RYR3: variants seen among roughly 807,000 people sequenced by gnomAD.
RYR3 encodes brain ryanodine receptor-calcium release channel.
RYR3 carries 207 observed loss-of-function variants against 584.3 expected under a neutral mutation model. That is an observed-to-expected ratio of 0.35 (90% CI 0.32 to 0.40). RYR3 has a LOEUF of 0.40. Among genes scored for constraint, RYR3 ranks in the 10% least tolerant of loss-of-function variants. RYR3 has a pLI of 1.00. For missense variants in RYR3, 5,616 were observed against 6,089.2 expected, an observed-to-expected ratio of 0.92 and a Z score of 2.59; for synonymous variants, 2,416 against 2,248.5, an observed-to-expected ratio of 1.07 and a Z score of -2.11.
chr15:33,463,597 A>C (rs2048219586), intron 1 of RYR3, among the ~76,000 whole-genome samples: 1 of 148,670 alleles, frequency 6.7e-6, no homozygotes, highest in Non-Finnish European at 1.5e-5. Context: ...TCCATGTTAC[A>C]TAACAGCATG....
Position 33,540,880 on chromosome 15 carries a change from C to G in RYR3, c.636C>G (p.Ser212Arg). The G allele has an allele frequency of 6.2e-7, 1 of 1,608,036 alleles. No individual in the cohort carries two copies. Among genetic ancestry groups the G allele is most frequent in the South Asian group, 1.1e-5 (1 of 90,896 alleles). The change falls in exon 7 of 104, where the codon AGC (serine) becomes AGG (arginine). Residue 212 changes from serine to arginine, a missense_variant. By Grantham distance (110) the Ser-to-Arg change is moderately radical. Around this residue, in one of 9 missense-constraint regions of RYR3, gnomAD observed 1,284 missense variants for 1,344.6 expected, o/e 0.95. Coordinates refer to ENST00000634891, the MANE Select transcript of RYR3 (RefSeq NM_001036.6). ...WNVHPTCSGS[S>R]IEEGYLLGGH... ...TACATCCTACGTGCTCAGGAAGTAGCATCGAAGAAGGTGTGCTTCTTTAAA... is the reference window on the plus strand; with the variant it reads ...TACATCCTACGTGCTCAGGAAGTAGGATCGAAGAAGGTGTGCTTCTTTAAA...
At chr15:33,355,534 G>T (rs1453682570) in intron 1 of RYR3, among the ~76,000 whole-genome samples, 1 of 152,210 alleles carries the variant, frequency 6.6e-6, no homozygotes, top group South Asian at 2.1e-4. Context: ...ATCAGAGATA[G>T]GTTCGCAAAT....
chr15:33,755,628 C>CAA (rs10661719), intron 58 of RYR3, among the ~76,000 whole-genome samples: 13,267 of 152,118 alleles, frequency 0.087, 1,703 homozygotes, highest in African/African-American at 0.29. Context: ...AACAAACAAA[C>CAA]AAACAAACAA....
chr15:33,731,398 A>T (rs542384891), intron 47 of RYR3, 76 bp from the exon 48 acceptor site: 3 of 1,031,666 alleles, frequency 2.9e-6, no homozygotes, highest in African/African-American at 1.6e-5. Flanking sequence ...AGCTTGCTAC[A>T]TGGGAACTCT....
At chr15:33,464,463 G>GATATATAT (rs569756898) in intron 1 of RYR3, among the ~76,000 whole-genome samples, 26 of 79,246 alleles carry the variant, frequency 3.3e-4, no homozygotes, top group East Asian at 9.6e-4. Flanking sequence ...GGGAGGTGGA[G>GATATATAT]ATATATATAT....
chr15:33,663,658 A>G lies in RYR3; in HGVS notation c.5540A>G (p.Glu1847Gly), dbSNP rs768603571. 1 of 1,613,090 alleles carries G rather than the reference A, an allele frequency of 6.2e-7. No homozygotes were observed. The highest frequency in any genetic ancestry group is 8.5e-7 in the Non-Finnish European group (1 of 1,179,656). The change falls in exon 36 of 104, where the codon GAG becomes GGG. Residue 1847 changes from glutamate (E) to glycine (G), a missense_variant. By Grantham distance (98) the Glu-to-Gly change is moderately conservative. Transcript: ENST00000634891. ...GCAAATCAGAAGTTCCGCTACAATGAGCTCATGCAGGCCCTGAACATGTCT... is the reference window on the plus strand; with the variant it reads ...GCAAATCAGAAGTTCCGCTACAATGGGCTCATGCAGGCCCTGAACATGTCT... ...LQANQKFRYN[E>G]LMQALNMSAA... is the part of the protein sequence containing the mutation.
intron 48 of RYR3, among the ~76,000 whole-genome samples, chr15:33,732,387 C>CA (rs3086238): frequency 0.12 from 15,617 of 130,374 alleles, 1,006 homozygotes; most frequent in East Asian, 0.3. Flanking sequence ...GACTCCATCT[C>CA]AAAAAAAAAA....
chr15:33,741,367 T>C (rs1420147902), intron 51 of RYR3, among the ~76,000 whole-genome samples: 1 of 152,194 alleles, frequency 6.6e-6, no homozygotes, highest in African/African-American at 2.4e-5. Flanking sequence ...GTAAATCACC[T>C]TGAAGAATTT....
intron 16 of RYR3, among the ~76,000 whole-genome samples, chr15:33,593,073 A>G (rs1345129739): frequency 2.6e-5 from 4 of 152,318 alleles, no homozygotes; most frequent in Admixed American, 2.6e-4. Context: ...TGATACACAA[A>G]TGGTTACATT....
chr15:33,620,147 C>T (rs2060646097), intron 19 of RYR3, among the ~76,000 whole-genome samples: 2 of 152,054 alleles, frequency 1.3e-5, no homozygotes, highest in Admixed American at 1.3e-4. Context: ...CCTTAAATAG[C>T]CTTCTAGGGA....
intron 27 of RYR3, among the ~76,000 whole-genome samples, chr15:33,638,367 C>A (rs1013581939): frequency 6.6e-6 from 1 of 152,206 alleles, no homozygotes; most frequent in Non-Finnish European, 1.5e-5. Context: ...GAGATTCAGG[C>A]ACATCTCCAA....
intron 93 of RYR3, 86 bp downstream of exon 93, chr15:33,845,148 C>A: frequency 7.1e-7 from 1 of 1,408,226 alleles, no homozygotes; most frequent in Non-Finnish European, 9.9e-7. Context: ...TGCTCTAAGA[C>A]TTTGCTAGCC....
chr15:33,667,236 A>G (rs1266647654), intron 36 of RYR3, among the ~76,000 whole-genome samples: 1 of 152,244 alleles, frequency 6.6e-6, no homozygotes, highest in African/African-American at 2.4e-5. Context: ...AGTTTGGGTT[A>G]TCCTGGCTGA....
chr15:33,471,894 CT>C (rs2048964641), intron 1 of RYR3, among the ~76,000 whole-genome samples: 1 of 152,164 alleles, frequency 6.6e-6, no homozygotes, highest in Admixed American at 6.5e-5. Context: ...TTACCTGCCC[CT>C]GACCACCAAT....
At chr15:33,435,432 G>C (rs1054763475) in intron 1 of RYR3, among the ~76,000 whole-genome samples, 2 of 152,058 alleles carry the variant, frequency 1.3e-5, no homozygotes, top group African/African-American at 4.8e-5. Context: ...CTTTTTTCCA[G>C]TCAGTGTATA....
intron 43 of RYR3, among the ~76,000 whole-genome samples, chr15:33,719,923 A>G (rs1410074322): frequency 6.6e-6 from 1 of 152,092 alleles, no homozygotes; most frequent in East Asian, 1.9e-4. Flanking sequence ...TATTATGATA[A>G]TTTTACCCTT....
intron 40 of RYR3, among the ~76,000 whole-genome samples, chr15:33,699,467 C>CA (rs2066134447): frequency 6.6e-6 from 1 of 152,018 alleles, no homozygotes; most frequent in South Asian, 2.1e-4. Context: ...GAAGGTCATG[C>CA]AATTTCACAT....
intron 2 of RYR3, among the ~76,000 whole-genome samples, chr15:33,481,728 C>T (rs192979451): frequency 8.6e-5 from 13 of 151,578 alleles, no homozygotes; most frequent in East Asian, 5.8e-4. Context: ...GTGACCCACC[C>T]GCCTCAGTCT....
chr15:33,717,350 C>G (rs147477695), intron 43 of RYR3, among the ~76,000 whole-genome samples: 1 of 152,186 alleles, frequency 6.6e-6, no homozygotes, highest in African/African-American at 2.4e-5. Context: ...ACCCAAAACC[C>G]GTTCTTCCCC....
Sources: gnomAD v4.1 joint callset for allele counts (sites outside exome capture counted in the v4.1 genomes callset) on GRCh38, gnomAD v4.1.1 for gene constraint, gnomAD v4.1.1 regional missense constraint, MANE v1.5 for transcripts, NCBI Gene and HGNC (gene_info 2026-07-23, HGNC 2026-07-21) for gene names.